Variants in RPS6KC1 observed in about 807,000 individuals in gnomAD.
The protein encoded by RPS6KC1 is ribosomal protein S6 kinase C1, also known as inactive ribosomal protein S6 kinase delta-1.
RPS6KC1 carries 54 observed loss-of-function variants against 103.8 expected under a neutral mutation model. The observed-to-expected ratio is 0.52, with a 90% CI of 0.42 to 0.65. RPS6KC1 has a LOEUF of 0.65. RPS6KC1 is among the 30% of genes least tolerant of loss of function. The pLI is 0.00. For synonymous variants in RPS6KC1, 439 were observed against 438.7 expected (o/e 1.00, Z -0.01); for missense variants, 1,151 against 1,253.8 (o/e 0.92, Z 1.24).
At chr1:213,484,315 G>A in the RPS6KC1 span, among the ~76,000 whole-genome samples, 1 of 152,202 alleles carries the variant, frequency 6.6e-6, no homozygotes, top group South Asian at 2.1e-4. Context: ...CAATCATGGT[G>A]TTGGCTAGGC....
At chr1:213,629,818 G>T in the RPS6KC1 span, among the ~76,000 whole-genome samples, 8 of 152,234 alleles carry the variant, frequency 5.3e-5, no homozygotes, top group East Asian at 9.6e-4. Flanking sequence ...GTCTGTAAAG[G>T]ATTTTATTTC....
At chr1:213,069,843 C>T (rs979815980) in intron 1 of RPS6KC1, among the ~76,000 whole-genome samples, 4 of 152,054 alleles carry the variant, frequency 2.6e-5, no homozygotes, top group Admixed American at 1.3e-4. Context: ...TGGATGGTAC[C>T]GTATTATGTA....
chr1:213,295,697 T>C, the RPS6KC1 span, among the ~76,000 whole-genome samples: 7 of 152,332 alleles, frequency 4.6e-5, no homozygotes, highest in East Asian at 9.6e-4. Flanking sequence ...TAACACGTCA[T>C]TGACCTTGAA....
At chr1:213,192,577 G>C (rs1039998328) in intron 8 of RPS6KC1, among the ~76,000 whole-genome samples, 1 of 151,986 alleles carries the variant, frequency 6.6e-6, no homozygotes, top group Non-Finnish European at 1.5e-5. Context: ...TCAGGTTTTG[G>C]ATTTCTTTAT....
intron 10 of RPS6KC1, among the ~76,000 whole-genome samples, chr1:213,238,695 A>G (rs571823090): frequency 6.6e-6 from 1 of 152,350 alleles, no homozygotes; most frequent in South Asian, 2.1e-4. Context: ...AGCTTTTCTT[A>G]GAACTTTATT....
intron 2 of RPS6KC1, among the ~76,000 whole-genome samples, chr1:213,074,843 ATTTTTTTTTTTTTT>A (rs752747801): frequency 9.0e-4 from 64 of 71,322 alleles, no homozygotes; most frequent in African/African-American, 3.5e-3. Flanking sequence ...ACTAGAATAA[ATTTTTTTTTTTTTT>A]TTTTTTTTTT....
the RPS6KC1 span, among the ~76,000 whole-genome samples, chr1:213,366,339 G>A: frequency 1.3e-5 from 2 of 152,208 alleles, no homozygotes; most frequent in Admixed American, 1.3e-4. Flanking sequence ...AACCACCAAG[G>A]CATAGAACCA....
At chr1:213,653,550 G>A in the RPS6KC1 span, among the ~76,000 whole-genome samples, 2 of 151,942 alleles carry the variant, frequency 1.3e-5, no homozygotes, top group Non-Finnish European at 2.9e-5. Flanking sequence ...AAAGTCATTT[G>A]TTGACATTTA....
chr1:213,779,744 C>A, the RPS6KC1 span, among the ~76,000 whole-genome samples: 1 of 152,156 alleles, frequency 6.6e-6, no homozygotes, highest in Non-Finnish European at 1.5e-5. Flanking sequence ...CCAGACTGAC[C>A]AGAAAGTTTA....
chr1:213,704,409 A>AG, the RPS6KC1 span, among the ~76,000 whole-genome samples: 2 of 151,212 alleles, frequency 1.3e-5, no homozygotes, highest in Admixed American at 1.3e-4. Flanking sequence ...AAAAAAAAAA[A>AG]AAACTCTGAT....
chr1:213,555,780 A>G, the RPS6KC1 span, among the ~76,000 whole-genome samples: 1 of 152,234 alleles, frequency 6.6e-6, no homozygotes, highest in Non-Finnish European at 1.5e-5. Flanking sequence ...CTCTCCAAGT[A>G]AAATCAACAG....
the RPS6KC1 span, among the ~76,000 whole-genome samples, chr1:213,631,039 C>T: frequency 1.6e-4 from 25 of 152,208 alleles, no homozygotes; most frequent in Admixed American, 5.9e-4. Flanking sequence ...CCTGGTGTGC[C>T]GTTTGCTAAG....
chr1:213,407,765 C>A, the RPS6KC1 span, among the ~76,000 whole-genome samples: 1 of 152,094 alleles, frequency 6.6e-6, no homozygotes, highest in Non-Finnish European at 1.5e-5. Flanking sequence ...TTTGGCCCTT[C>A]TAGATGAGTA....
At chr1:213,526,623 C>T in the RPS6KC1 span, among the ~76,000 whole-genome samples, 1 of 152,108 alleles carries the variant, frequency 6.6e-6, no homozygotes, top group Non-Finnish European at 1.5e-5. Context: ...TCTGACACAG[C>T]GATCCAAAAT....
At chr1:213,616,862 A>G in the RPS6KC1 span, among the ~76,000 whole-genome samples, 14 of 152,272 alleles carry the variant, frequency 9.2e-5, no homozygotes, top group African/African-American at 2.6e-4. Context: ...CAGTTCTGTG[A>G]GCAGAAGCAG....
the RPS6KC1 span, among the ~76,000 whole-genome samples, chr1:213,350,553 A>G: frequency 6.6e-6 from 1 of 152,176 alleles, no homozygotes; most frequent in Non-Finnish European, 1.5e-5. Context: ...ATCCTGTGCC[A>G]TATTGGCTAT....
chr1:213,113,319 G>A (rs1312257714), intron 4 of RPS6KC1, among the ~76,000 whole-genome samples: 1 of 151,952 alleles, frequency 6.6e-6, no homozygotes, highest in Non-Finnish European at 1.5e-5. Context: ...GCCAGTGATG[G>A]TGAGCATTTT....
the RPS6KC1 span, among the ~76,000 whole-genome samples, chr1:213,724,326 C>T: frequency 1.2e-4 from 18 of 152,204 alleles, no homozygotes; most frequent in African/African-American, 2.4e-4. Context: ...GTGATCCACC[C>T]GTCTTGGCCT....
intron 3 of RPS6KC1, among the ~76,000 whole-genome samples, chr1:213,078,231 C>CTTTTT (rs11416944): frequency 7.8e-6 from 1 of 128,354 alleles, no homozygotes; most frequent in Non-Finnish European, 1.6e-5. Flanking sequence ...CCTTAGTATT[C>CTTTTT]TTTTTTTTTT....
Sources: allele counts gnomAD v4.1 joint callset (sites outside exome capture counted in the v4.1 genomes callset), GRCh38; gene constraint gnomAD v4.1.1; transcripts MANE v1.5; gene names NCBI Gene and HGNC (gene_info 2026-07-23, HGNC 2026-07-21).